CAPRIN1: variants seen among roughly 807,000 people sequenced by gnomAD.
The protein encoded by CAPRIN1 is caprin-1.
Under a neutral mutation model 100.9 loss-of-function variants are expected in CAPRIN1, and 29 were observed. The ratio of observed to expected loss-of-function variants is 0.29; its 90% CI spans 0.21 to 0.39. CAPRIN1 has a LOEUF of 0.39. CAPRIN1 is among the 10% of genes least tolerant of loss of function. CAPRIN1 has a pLI of 1.00. For synonymous variants in CAPRIN1, 338 were observed against 307.5 expected (o/e 1.10, Z -1.04); for missense variants, 795 against 876.7 (o/e 0.91, Z 1.18).
At chr11:34,055,124 C>CT (rs1399943596) in intron 2 of CAPRIN1, among the ~76,000 whole-genome samples, 1 of 152,084 alleles carries the variant, frequency 6.6e-6, no homozygotes, top group Non-Finnish European at 1.5e-5. Context: ...TTACTATACT[C>CT]TGTCATACCC....
At chr11:34,089,327 A>C (rs1415262637) in intron 11 of CAPRIN1, 68 bp from the exon 12 acceptor site, 3 of 473,886 alleles carry the variant, frequency 6.3e-6, no homozygotes, top group Non-Finnish European at 1.1e-5. Flanking sequence ...GCGAAATAAA[A>C]GGTATTTAGA....
intron 2 of CAPRIN1, among the ~76,000 whole-genome samples, chr11:34,058,763 T>C (rs542036219): frequency 2.2e-4 from 33 of 152,152 alleles, no homozygotes; most frequent in African/African-American, 7.2e-4. Context: ...GTTAAAACTC[T>C]GAAGTTTTTC....
intron 7 of CAPRIN1, among the ~76,000 whole-genome samples, 160 bp from the exon 8 acceptor site, chr11:34,082,665 C>T (rs1181898616): frequency 6.6e-6 from 1 of 152,168 alleles, no homozygotes; most frequent in East Asian, 1.9e-4. Flanking sequence ...ATTATTATCA[C>T]CCAAAGTCCA....
intron 7 of CAPRIN1, among the ~76,000 whole-genome samples, chr11:34,082,244 A>G (rs1044545883): frequency 2.0e-5 from 3 of 151,616 alleles, no homozygotes; most frequent in African/African-American, 4.8e-5. Flanking sequence ...TTGGAGCACA[A>G]TGGCCTGATC....
At chr11:34,073,019 C>T (rs888652260) in intron 4 of CAPRIN1, among the ~76,000 whole-genome samples, 6 of 152,082 alleles carry the variant, frequency 3.9e-5, no homozygotes, top group Middle Eastern at 3.2e-3. Context: ...CTATCTAGGC[C>T]GTGTAAGTAC....
At chr11:34,057,806 C>G (rs181101806) in intron 2 of CAPRIN1, among the ~76,000 whole-genome samples, 5 of 152,204 alleles carry the variant, frequency 3.3e-5, no homozygotes, top group African/African-American at 1.2e-4. Flanking sequence ...ACAACCTCCC[C>G]CTCCCAGGTT....
intron 18 of CAPRIN1, 54 bp downstream of exon 18, chr11:34,097,815 T>C (rs1318870145): frequency 1.2e-6 from 2 of 1,613,344 alleles, no homozygotes; most frequent in Non-Finnish European, 1.7e-6. Flanking sequence ...TGTTCTGGCC[T>C]TGGAAGAGCT....
intron 4 of CAPRIN1, among the ~76,000 whole-genome samples, chr11:34,073,678 A>T (rs1850847443): frequency 6.6e-6 from 1 of 152,182 alleles, no homozygotes; most frequent in African/African-American, 2.4e-5. Flanking sequence ...GGCCTGCCTC[A>T]GCCTCCCAAA....
chr11:34,059,301 CTG>C (rs1239456502), intron 2 of CAPRIN1, among the ~76,000 whole-genome samples: 1 of 145,596 alleles, frequency 6.9e-6, no homozygotes, highest in Non-Finnish European at 1.5e-5. Context: ...CGGAGTCTTG[CTG>C]TGTCGCCCAG....
chr11:34,052,962 G>C (rs965543517), intron 2 of CAPRIN1: 2 of 1,140,438 alleles, frequency 1.8e-6, no homozygotes, highest in Non-Finnish European at 1.1e-6. Context: ...GGACTTCACT[G>C]TATGGTGCCC....
intron 7 of CAPRIN1, 43 bp from the exon 8 acceptor site, chr11:34,082,782 A>C: frequency 6.8e-7 from 1 of 1,481,446 alleles, no homozygotes; most frequent in Non-Finnish European, 9.4e-7. Flanking sequence ...AGTATCACTG[A>C]CCTAAAAATC....
At chr11:34,091,725 A>G (rs1590745740) in intron 14 of CAPRIN1, 181 bp from the exon 15 acceptor site, 2 of 585,268 alleles carry the variant, frequency 3.4e-6, no homozygotes, top group South Asian at 4.3e-5. Flanking sequence ...TATATGGTAT[A>G]TATGTCTTTT....
chr11:34,086,996 C>G (rs1433010157), intron 11 of CAPRIN1, among the ~76,000 whole-genome samples: 4 of 152,018 alleles, frequency 2.6e-5, no homozygotes, highest in Admixed American at 1.3e-4. Flanking sequence ...ATGTAAGAGG[C>G]AAAGGGAAGA....
rs1282466037 is a variant in CAPRIN1, at chr11:34,101,248, C to CT, written c.*1884dup. 1.3e-5 allele frequency: 2 copies of CT among 152,150 alleles called. No homozygotes were observed. Among genetic ancestry groups the CT allele is most frequent in the Non-Finnish European group, 2.9e-5 (2 of 68,022 alleles). 9.4% of individuals were successfully genotyped at this position (152,150 alleles called of 1,614,324 possible). A position where few individuals can be genotyped will look rare whatever the true frequency, so the allele number is the denominator to read the frequency against. On this transcript the variant is annotated 3_prime_UTR_variant, in exon 19 of 19. Coordinates refer to ENST00000341394, the MANE Select transcript of CAPRIN1 (RefSeq NM_005898.5). The stretch of plus-strand genomic sequence containing the variant: ...TTTTGCTAGCACCTCCCCTTGCGTG[C>CT]TTTAAATGACATCTGCCTGGGATGT...
chr11:34,083,147 A>T (rs1415184063), intron 9 of CAPRIN1, 106 bp downstream of exon 9: 2 of 759,298 alleles, frequency 2.6e-6, no homozygotes, highest in African/African-American at 1.8e-5. Flanking sequence ...TAGTACATTT[A>T]TTATAATAAC....
At chr11:34,098,564 A>T in intron 18 of CAPRIN1, 2 of 985,414 alleles carry the variant, frequency 2.0e-6, no homozygotes, top group Non-Finnish European at 2.4e-6. Context: ...TTAAGGAGGA[A>T]TTACAACGTA....
chr11:34,088,481 A>G (rs1376646048), intron 11 of CAPRIN1, among the ~76,000 whole-genome samples: 1 of 151,570 alleles, frequency 6.6e-6, no homozygotes. Flanking sequence ...AGCAACATAG[A>G]CCTCGCCTCT....
Position 34,071,976 on chromosome 11 carries a change from C to A in CAPRIN1, c.355C>A (p.Leu119Ile). The A allele has an allele frequency of 1.2e-6, 2 of 1,604,510 alleles. No individual in the cohort carries two copies. Among genetic ancestry groups the A allele is most frequent in the Non-Finnish European group, 1.7e-6 (2 of 1,171,830 alleles). Residue 119 changes from leucine to isoleucine, a missense_variant, in exon 4 of 19, where the codon CTA becomes ATA. Physicochemically the swap from Leu to Ile is conservative, Grantham distance 5 (BLOSUM62 2). This residue lies in a region of CAPRIN1 where 38 missense variants were observed against 92.3 expected (regional missense o/e 0.41). Transcript: ENST00000341394. ...AGAATTACAGAGGAGTTTCATGGCA[C>A]TAAGTCAAGATGTAAGTAAAAGAAA... The part of the protein sequence containing the change: ...AKELQRSFMA[L>I]SQDIQKTIKK...
intron 2 of CAPRIN1, among the ~76,000 whole-genome samples, chr11:34,067,564 A>G (rs549777820): frequency 1.3e-5 from 2 of 152,064 alleles, no homozygotes; most frequent in Admixed American, 6.6e-5. Flanking sequence ...GCAGTCGTGC[A>G]CATCACGACT....
Sources: gnomAD v4.1 joint callset for allele counts (sites outside exome capture counted in the v4.1 genomes callset) on GRCh38, gnomAD v4.1.1 for gene constraint, gnomAD v4.1.1 regional missense constraint, MANE v1.5 for transcripts, NCBI Gene and HGNC (gene_info 2026-07-23, HGNC 2026-07-21) for gene names.